Variants in MCTP1 observed in about 807,000 individuals in gnomAD.
MCTP1 encodes multiple C2 and transmembrane domain-containing protein 1.
MCTP1 carries 69 observed loss-of-function variants against 120.6 expected under a neutral mutation model. The ratio of observed to expected loss-of-function variants is 0.57; its 90% confidence interval spans 0.47 to 0.70. The LOEUF is 0.70. Ranked by LOEUF, MCTP1 falls within the 30% of genes least tolerant of loss-of-function variation. MCTP1 has a pLI of 0.00. For synonymous variants in MCTP1, 529 were observed against 493.1 expected, an observed-to-expected ratio of 1.07 and a Z score of -0.96; for missense variants, 1,203 against 1,248.8, an observed-to-expected ratio of 0.96 and a Z score of 0.55.
intron 1 of MCTP1, among the ~76,000 whole-genome samples, chr5:95,063,408 A>G (rs570180601): frequency 6.6e-6 from 1 of 152,278 alleles, no homozygotes; most frequent in Admixed American, 6.5e-5. Context: ...TGACGTGACT[A>G]TTTTCTTAAA....
At chr5:94,849,563 C>T (rs912011266) in intron 17 of MCTP1, among the ~76,000 whole-genome samples, 2 of 152,058 alleles carry the variant, frequency 1.3e-5, no homozygotes, top group South Asian at 2.1e-4. Flanking sequence ...AGCAATTTAG[C>T]GTCCCAATCT....
Position 94,974,314 on chromosome 5 carries a change from C to T in MCTP1, c.839-20953G>A, listed in dbSNP as rs187557494. On this transcript the variant is annotated intron_variant, in intron 2 of 22. Transcript: ENST00000515393. ...TGTAATCCAATGCTTTGGGAGGCCA[C>T]GGTGGGAGAATTTCTTCAGGTCAGG... Among the ~76,000 whole-genome samples the T allele has an allele frequency of 5.6e-4, 85 of 152,166 alleles. 2 individuals carry two copies. Among genetic ancestry groups the T allele is most frequent in the Admixed American group, 5.1e-3 (78 of 15,264 alleles).
At chr5:95,244,951 C>G (rs1213200814) in intron 1 of MCTP1, among the ~76,000 whole-genome samples, 1 of 152,132 alleles carries the variant, frequency 6.6e-6, no homozygotes, top group Non-Finnish European at 1.5e-5. Context: ...CAGGCAGGTG[C>G]CCCTCTGGGA....
chr5:95,214,755 T>C (rs756934680), intron 1 of MCTP1, among the ~76,000 whole-genome samples: 23 of 150,958 alleles, frequency 1.5e-4, no homozygotes, highest in Non-Finnish European at 2.9e-4. Context: ...CTCAGCAAAC[T>C]ATGGCAAGGA....
At chr5:94,979,075 A>C (rs969354542) in intron 2 of MCTP1, 1 of 152,088 alleles carries the variant, frequency 6.6e-6, no homozygotes, top group Non-Finnish European at 1.5e-5. Context: ...GAGGACAATG[A>C]ATAAGAAATA....
chr5:95,064,654 AC>A (rs1180921925), intron 1 of MCTP1, among the ~76,000 whole-genome samples: 1 of 152,194 alleles, frequency 6.6e-6, no homozygotes, highest in African/African-American at 2.4e-5. Flanking sequence ...AGTGGACTCT[AC>A]TCAGAGAAAT....
At position 95,284,423 on chromosome 5, in the gene MCTP1, C is replaced by A. The variant is rs773446311; in HGVS notation, c.153G>T (p.Ala51=). ...GRAGGPERRT[A]DTPSPSPPPP... ...GTGGCGGGGAGGGCGACGGGGTGTC[C>A]GCAGTGCGGCGCTCTGGACCCCCAG... The change falls in exon 1 of 23, where the codon GCG becomes GCT. Residue 51 remains alanine, a synonymous_variant. Coordinates refer to ENST00000515393, the MANE Select transcript of MCTP1 (RefSeq NM_024717.7). This position sits in a 1 kb window ranked among gnomAD's most constrained non-coding sequence, Gnocchi z 5.2. The A allele has an allele frequency of 6.4e-7, 1 of 1,558,962 alleles. No individual in the cohort carries two copies. Among genetic ancestry groups the A allele is most frequent in the South Asian group, 1.1e-5 (1 of 87,184 alleles).
At chr5:94,818,344 T>G (rs1228389480) in intron 17 of MCTP1, among the ~76,000 whole-genome samples, 2 of 152,198 alleles carry the variant, frequency 1.3e-5, no homozygotes, top group Non-Finnish European at 2.9e-5. Flanking sequence ...AAATTTTAAA[T>G]TCATCCATCA....
intron 7 of MCTP1, 80 bp downstream of exon 7, chr5:94,923,882 T>A: frequency 1.2e-6 from 1 of 809,330 alleles, no homozygotes; most frequent in Non-Finnish European, 2.0e-6. Flanking sequence ...AAAATGAAAC[T>A]CTTAGTTGCC....
chr5:95,245,993 C>A (rs1756731655), intron 1 of MCTP1, among the ~76,000 whole-genome samples: 1 of 149,376 alleles, frequency 6.7e-6, no homozygotes, highest in Non-Finnish European at 1.5e-5. Context: ...CGGCAGAAAC[C>A]CTACAAGCCA....
intron 1 of MCTP1, among the ~76,000 whole-genome samples, chr5:95,060,942 A>T (rs1162511393): frequency 4.1e-4 from 2 of 4,922 alleles, no homozygotes; most frequent in Non-Finnish European, 0.011. Context: ...CCACTCCACA[A>T]AAAAAAAAAA....
intron 20 of MCTP1, among the ~76,000 whole-genome samples, chr5:94,711,406 C>T (rs749445769): frequency 4.6e-5 from 7 of 152,014 alleles, no homozygotes; most frequent in Non-Finnish European, 1.0e-4. Context: ...GTTAAAAATC[C>T]TCTGAATGTT....
intron 1 of MCTP1, among the ~76,000 whole-genome samples, chr5:95,037,784 C>A (rs576993310): frequency 6.6e-6 from 1 of 152,066 alleles, no homozygotes; most frequent in East Asian, 1.9e-4. Flanking sequence ...GAGGGAGAAT[C>A]GCGTGAACCC....
chr5:95,262,747 C>T (rs556767707), intron 1 of MCTP1, among the ~76,000 whole-genome samples: 3 of 151,828 alleles, frequency 2.0e-5, no homozygotes, highest in East Asian at 1.9e-4. Context: ...ATTAGCCCCT[C>T]GAGATATTAC....
intron 18 of MCTP1, among the ~76,000 whole-genome samples, chr5:94,793,155 G>A (rs888592181): frequency 6.6e-6 from 1 of 152,158 alleles, no homozygotes; most frequent in African/African-American, 2.4e-5. Flanking sequence ...TGAAGAAAAT[G>A]TAGAAATCTT....
At chr5:95,222,033 C>T (rs1309267875) in intron 1 of MCTP1, among the ~76,000 whole-genome samples, 3 of 152,196 alleles carry the variant, frequency 2.0e-5, no homozygotes, top group Admixed American at 6.5e-5. Flanking sequence ...GATGGAGTAA[C>T]TGAAAATAAA....
intron 10 of MCTP1, among the ~76,000 whole-genome samples, chr5:94,905,485 A>G (rs1806585232): frequency 6.6e-6 from 1 of 152,218 alleles, no homozygotes; most frequent in African/African-American, 2.4e-5. Context: ...GCTACTGTCC[A>G]TATGAAAGCT....
intron 17 of MCTP1, among the ~76,000 whole-genome samples, chr5:94,821,383 C>G (rs757122159): frequency 2.6e-5 from 4 of 152,134 alleles, no homozygotes; most frequent in African/African-American, 9.7e-5. Flanking sequence ...TTCCCTTCAT[C>G]GACCTTCTGG....
intron 2 of MCTP1, among the ~76,000 whole-genome samples, chr5:94,977,158 C>T (rs1281801630): frequency 6.6e-6 from 1 of 152,022 alleles, no homozygotes; most frequent in Non-Finnish European, 1.5e-5. Context: ...AAATCAATTG[C>T]ATTTTTATAC....
Sources: gnomAD v4.1 joint callset for allele counts (sites outside exome capture counted in the v4.1 genomes callset) on GRCh38, gnomAD v4.1.1 for gene constraint, Gnocchi (gnomAD v3.1) non-coding constraint, MANE v1.5 for transcripts, NCBI Gene and HGNC (gene_info 2026-07-23, HGNC 2026-07-21) for gene names.